OR1F1: variants seen among roughly 807,000 people sequenced by gnomAD.
OR1F1 encodes the protein olfactory receptor 1F1.
For synonymous variants in OR1F1, 184 were observed against 156.7 expected (o/e 1.17, Z -1.30); for missense variants, 493 against 376.3 (o/e 1.31, Z -2.57).
chr16:3,204,244 C>A, upstream of OR1F1: 1 of 1,588,328 alleles, frequency 6.3e-7, no homozygotes. Context: ...GGATCCCAGG[C>A]CCATGAGCGG....
exon 1 of OR1F1, chr16:3,204,435 C>T (rs2141593194): frequency 6.2e-7 from 1 of 1,614,160 alleles, no homozygotes; most frequent in Non-Finnish European, 8.5e-7. Flanking sequence ...ACTTCTTCCT[C>T]AGCAACCTGT....
the OR1F1 span, among the ~76,000 whole-genome samples, chr16:3,189,270 A>G: frequency 4.6e-5 from 7 of 152,174 alleles, no homozygotes; most frequent in African/African-American, 1.7e-4. Context: ...GCAGTGATCG[A>G]GGCTCGCAGA....
At chr16:3,195,227 A>G in the OR1F1 span, among the ~76,000 whole-genome samples, 1 of 152,208 alleles carries the variant, frequency 6.6e-6, no homozygotes, top group Non-Finnish European at 1.5e-5. Context: ...ACAGGAGAGA[A>G]TCCTCCCTAA....
At chr16:3,203,836 G>T (rs1461155787), upstream of OR1F1, among the ~76,000 whole-genome samples, 1 of 152,096 alleles carries the variant, frequency 6.6e-6, no homozygotes, top group African/African-American at 2.4e-5. Context: ...AGCCTCAGAG[G>T]GACCCTCCTT....
chr16:3,188,336 A>T, the OR1F1 span: 1 of 151,792 alleles, frequency 6.6e-6, no homozygotes, highest in African/African-American at 2.4e-5. Flanking sequence ...AGCGCTGCCA[A>T]CTGCGGCAAC....
At chr16:3,199,004 G>A in the OR1F1 span, among the ~76,000 whole-genome samples, 1 of 149,474 alleles carries the variant, frequency 6.7e-6, no homozygotes, top group Non-Finnish European at 1.5e-5. Flanking sequence ...AGAAGGTGAG[G>A]ATGGTGGCTC....
downstream of OR1F1, among the ~76,000 whole-genome samples, chr16:3,206,265 G>C (rs1233145500): frequency 1.3e-5 from 2 of 152,174 alleles, no homozygotes; most frequent in Non-Finnish European, 1.5e-5. Context: ...CTCTGCTCTT[G>C]AACCCTGTTT....
upstream of OR1F1, among the ~76,000 whole-genome samples, chr16:3,199,879 G>T (rs189856229): frequency 2.0e-3 from 311 of 152,092 alleles, 2 homozygotes; most frequent in African/African-American, 7.0e-3. Flanking sequence ...GCTGGGCATT[G>T]TGGTGCATGC....
exon 1 of OR1F1, chr16:3,204,488 T>A: frequency 6.2e-7 from 1 of 1,614,198 alleles, no homozygotes; most frequent in South Asian, 1.1e-5. Flanking sequence ...GTCCCCAAGA[T>A]GCTGGCCAAT....
chr16:3,204,296 T>A lies in OR1F1; in HGVS notation c.50T>A (p.Leu17His), dbSNP rs1355886540. 7.4e-6 allele frequency: 12 copies of A among 1,613,670 alleles called. No individual in the cohort carries two copies. The highest frequency in any genetic ancestry group is 8.5e-6 in the Non-Finnish European group (10 of 1,179,856). ...GTCTCCGAGTTCCTCCTCCTGGGAC[T>A]CTCCAGGCAGCCCCAGCAGCAGCAT... The change falls in exon 1 of 1, where the codon CTC (leucine) becomes CAC (histidine). Residue 17 changes from leucine (L) to histidine (H), a missense_variant. Leu to His is a moderately conservative substitution (Grantham distance 99). Transcript: ENST00000304646.
chr16:3,189,660 T>C, the OR1F1 span: 1 of 151,968 alleles, frequency 6.6e-6, no homozygotes, highest in East Asian at 1.9e-4. Flanking sequence ...GGTATGATTC[T>C]CGCTTAGGGT....
At chr16:3,201,234 C>A (rs1467552928), upstream of OR1F1, among the ~76,000 whole-genome samples, 8 of 152,156 alleles carry the variant, frequency 5.3e-5, no homozygotes, top group Non-Finnish European at 1.0e-4. Flanking sequence ...TTGATGGATA[C>A]TTGTGTTATT....
chr16:3,202,298 G>C (rs182219313), upstream of OR1F1, among the ~76,000 whole-genome samples: 10 of 152,316 alleles, frequency 6.6e-5, no homozygotes, highest in Non-Finnish European at 1.0e-4. Flanking sequence ...AGCCAATGCA[G>C]TAGTGAGATA....
chr16:3,196,763 G>A, the OR1F1 span, among the ~76,000 whole-genome samples: 3 of 149,338 alleles, frequency 2.0e-5, no homozygotes, highest in African/African-American at 5.0e-5. Context: ...GTGCAATGGC[G>A]TCCTGCAACC....
At chr16:3,202,816 C>A (rs147158182), upstream of OR1F1, among the ~76,000 whole-genome samples, 37 of 152,160 alleles carry the variant, frequency 2.4e-4, no homozygotes, top group African/African-American at 7.5e-4. Flanking sequence ...TTAGTTATTA[C>A]AACCCTACAA....
chr16:3,191,975 G>C, the OR1F1 span, among the ~76,000 whole-genome samples: 1,445 of 152,220 alleles, frequency 9.5e-3, 20 homozygotes, highest in African/African-American at 0.025. Flanking sequence ...GAAAAGTAAA[G>C]GGCCTGCTGC....
the OR1F1 span, among the ~76,000 whole-genome samples, chr16:3,195,955 C>G: frequency 1.3e-5 from 2 of 152,342 alleles, no homozygotes; most frequent in African/African-American, 4.8e-5. Context: ...CACTGAGCCC[C>G]TGCCTGGGGC....
the OR1F1 span, among the ~76,000 whole-genome samples, chr16:3,193,333 A>G: frequency 6.6e-6 from 1 of 152,070 alleles, no homozygotes; most frequent in African/African-American, 2.4e-5. Flanking sequence ...TCACCGACGC[A>G]CCCAGCCCGA....
downstream of OR1F1, among the ~76,000 whole-genome samples, chr16:3,205,867 A>G (rs757594889): frequency 4.3e-4 from 66 of 152,182 alleles, no homozygotes; most frequent in Non-Finnish European, 8.2e-4. Flanking sequence ...ATTGTAAAAC[A>G]TGTGTATTTG....
Sources: allele counts gnomAD v4.1 joint callset (sites outside exome capture counted in the v4.1 genomes callset), GRCh38; gene constraint gnomAD v4.1.1; transcripts MANE v1.5; gene names NCBI Gene and HGNC (gene_info 2026-07-23, HGNC 2026-07-21).